FBN2: variants seen among roughly 807,000 people sequenced by gnomAD.
FBN2 encodes fibrillin-2.
A neutral mutation model predicts 355.6 loss-of-function variants in FBN2; 105 were observed. That is an observed-to-expected ratio of 0.30 (90% CI 0.25 to 0.35). The LOEUF (loss-of-function observed/expected upper bound fraction) is 0.35. Among genes scored for constraint, FBN2 ranks in the 10% least tolerant of loss-of-function variants. The pLI is 1.00. For synonymous variants in FBN2, 1,350 were observed against 1,301.2 expected, an observed-to-expected ratio of 1.04 and a Z score of -0.81; for missense variants, 3,280 against 3,758.7, an observed-to-expected ratio of 0.87 and a Z score of 3.33.
At chr5:128,479,414 C>T (rs1227194101) in intron 5 of FBN2, among the ~76,000 whole-genome samples, 3 of 151,940 alleles carry the variant, frequency 2.0e-5, no homozygotes, top group East Asian at 1.9e-4. Context: ...CATATATGTA[C>T]GTATATAGTA....
At chr5:128,530,489 A>T in intron 3 of FBN2, 106 bp downstream of exon 3, 1 of 758,248 alleles carries the variant, frequency 1.3e-6, no homozygotes, top group Non-Finnish European at 2.4e-6. Context: ...GTAAGGATTA[A>T]CTAAAGTAAT....
chr5:128,307,703 T>C (rs767739817), intron 41 of FBN2, among the ~76,000 whole-genome samples: 4 of 151,296 alleles, frequency 2.6e-5, no homozygotes, highest in Non-Finnish European at 5.9e-5. Flanking sequence ...TATTGGAATG[T>C]GAAATTTGAG....
intron 4 of FBN2, among the ~76,000 whole-genome samples, chr5:128,526,154 A>T (rs1300605752): frequency 6.6e-6 from 1 of 152,164 alleles, no homozygotes; most frequent in African/African-American, 2.4e-5. Flanking sequence ...CACCTTAACT[A>T]CAAGACAAAC....
intron 18 of FBN2, among the ~76,000 whole-genome samples, chr5:128,362,683 T>C (rs1561418710): frequency 2.0e-5 from 3 of 152,200 alleles, no homozygotes; most frequent in Non-Finnish European, 4.4e-5. Flanking sequence ...CAGGCTGTTC[T>C]GGAACTTCTG....
rs147714762 is a variant in FBN2 at position 128,301,508 on chromosome 5, T to C, written c.5920A>G (p.Ile1974Val). ...ELTHNNDCLDIDECSSFFGQV... is the reference protein window; with the variant it reads ...ELTHNNDCLDVDECSSFFGQV... ...CCAAAAAAGGAACTGCACTCATCTATGTCTGTAAGCAAACAGGAGTATGTT... is the reference window on the plus strand; with the variant it reads ...CCAAAAAAGGAACTGCACTCATCTACGTCTGTAAGCAAACAGGAGTATGTT... The change falls in exon 47 of 65, where the codon ATA (isoleucine) becomes GTA (valine). Residue 1974 changes from isoleucine to valine, a missense_variant and splice_region_variant. By Grantham distance (29) the Ile-to-Val change is conservative (BLOSUM62 3). Transcript: ENST00000262464. 12 of 1,613,054 alleles carry C rather than the reference T, an allele frequency of 7.4e-6. No homozygotes were observed. The highest frequency in any genetic ancestry group is 1.7e-5 in the Admixed American group (1 of 59,996).
chr5:128,328,885 C>T (rs1423334773), intron 33 of FBN2, 64 bp from the exon 34 acceptor site: 36 of 1,566,260 alleles, frequency 2.3e-5, no homozygotes, highest in Non-Finnish European at 2.7e-5. Flanking sequence ...TTTCTCCTTG[C>T]TCTATAAATA....
intron 6 of FBN2, among the ~76,000 whole-genome samples, chr5:128,448,515 C>A (rs1198432651): frequency 1.7e-4 from 26 of 152,110 alleles, no homozygotes; most frequent in Non-Finnish European, 1.5e-5. Flanking sequence ...CCATGTTGGT[C>A]AGGCTGGTCT....
In FBN2 at chr5:128,537,476, G is replaced by C; in HGVS notation, c.128C>G (p.Pro43Arg). 6.3e-7 allele frequency: 1 copy of C among 1,599,126 alleles called. No individual in the cohort carries two copies. The highest frequency in any genetic ancestry group is 8.5e-7 in the Non-Finnish European group (1 of 1,174,676). The change falls in exon 1 of 65, where the codon CCG becomes CGG. Residue 43 changes from proline to arginine, a missense_variant. Physicochemically the swap from Pro to Arg is moderately radical, Grantham distance 103. Coordinates refer to ENST00000262464, the MANE Select transcript of FBN2 (RefSeq NM_001999.4). Reference sequence around the variant, plus strand: ...TGTAGCGGACCGAACCTGTTGCGGCGGCGGCTGGGGCCGGGGCGGCTTGGG... The same window carrying C: ...TGTAGCGGACCGAACCTGTTGCGGCCGCGGCTGGGGCCGGGGCGGCTTGGG... The part of the protein sequence containing the change: ...PPPKPPRPQP[P>R]PQQVRSATAG...
At chr5:128,487,677 A>C (rs996940505) in intron 5 of FBN2, among the ~76,000 whole-genome samples, 1 of 141,358 alleles carries the variant, frequency 7.1e-6, no homozygotes, top group African/African-American at 3.1e-5. Context: ...GAATCAATGA[A>C]TGTTTCACTT....
At chr5:128,453,405 C>T (rs1365886213) in intron 6 of FBN2, among the ~76,000 whole-genome samples, 1 of 152,192 alleles carries the variant, frequency 6.6e-6, no homozygotes, top group Non-Finnish European at 1.5e-5. Context: ...GTCTCAGCCT[C>T]CATCATATAG....
intron 41 of FBN2, among the ~76,000 whole-genome samples, chr5:128,308,142 A>G (rs972476488): frequency 6.6e-6 from 1 of 152,154 alleles, no homozygotes; most frequent in African/African-American, 2.4e-5. Context: ...CAGAAAGGAT[A>G]CATACTCTGC....
chr5:128,317,973 T>C (rs1185923126), intron 36 of FBN2, among the ~76,000 whole-genome samples, 176 bp downstream of exon 36: 1 of 152,188 alleles, frequency 6.6e-6, no homozygotes, highest in African/African-American at 2.4e-5. Context: ...GGTTCTCAAG[T>C]CCGTGAGAGG....
intron 4 of FBN2, among the ~76,000 whole-genome samples, chr5:128,522,542 T>C (rs1254058783): frequency 2.6e-5 from 4 of 152,136 alleles, no homozygotes; most frequent in African/African-American, 9.7e-5. Flanking sequence ...CATTCTTAAT[T>C]TCCTTCCTCT....
intron 3 of FBN2, 90 bp from the exon 4 acceptor site, chr5:128,528,057 C>T: frequency 2.5e-6 from 2 of 810,136 alleles, no homozygotes; most frequent in South Asian, 2.9e-5. Flanking sequence ...ACTCAATTAT[C>T]CAATTCAATG....
chr5:128,353,257 A>G (rs2126925917), intron 20 of FBN2, among the ~76,000 whole-genome samples: 1 of 152,250 alleles, frequency 6.6e-6, no homozygotes, highest in South Asian at 2.1e-4. Flanking sequence ...CAATTAAACC[A>G]TGGGCCTATG....
At chr5:128,314,990 T>C (rs1323686916) in intron 36 of FBN2, among the ~76,000 whole-genome samples, 1 of 152,164 alleles carries the variant, frequency 6.6e-6, no homozygotes, top group African/African-American at 2.4e-5. Context: ...GAACATCATA[T>C]ATGTGTCTCT....
In FBN2 at chr5:128,278,781, C is replaced by G. The variant is rs150572769; in HGVS notation, c.7199G>C (p.Ser2400Thr). Residue 2400 changes from serine to threonine, a missense_variant, in exon 57 of 65, where the codon AGT becomes ACT. This residue lies in a region of FBN2 where 2,284 missense variants were observed against 2,749.5 expected (regional missense o/e 0.83). Transcript: ENST00000262464. ...VLQTICQMAS[S>T]SRNLVTKSEC... ...TGACTTAGTGACGAGATTGCGACTA[C>G]TGGATGCCATTTGACATATTGTCTG... The G allele has an allele frequency of 2.5e-6, 4 of 1,613,972 alleles. No individual in the cohort carries two copies. In the African/African-American group the frequency reaches 4.0e-5, roughly 16 times the overall value.
chr5:128,392,312 A>T (rs1237472343), intron 10 of FBN2, among the ~76,000 whole-genome samples, 157 bp from the exon 11 acceptor site: 1 of 152,234 alleles, frequency 6.6e-6, no homozygotes, highest in Non-Finnish European at 1.5e-5. Context: ...GAATCTAAAA[A>T]ATATTACTGA....
At chr5:128,501,769 C>G (rs1192018026) in intron 5 of FBN2, among the ~76,000 whole-genome samples, 1 of 151,918 alleles carries the variant, frequency 6.6e-6, no homozygotes, top group Non-Finnish European at 1.5e-5. Flanking sequence ...GATTATAAAA[C>G]CATTACACTA....
Sources: gnomAD v4.1 joint callset for allele counts (sites outside exome capture counted in the v4.1 genomes callset) on GRCh38, gnomAD v4.1.1 for gene constraint, gnomAD v4.1.1 regional missense constraint, MANE v1.5 for transcripts, NCBI Gene and HGNC (gene_info 2026-07-23, HGNC 2026-07-21) for gene names.